The following MDC1 variants were observed in gnomAD, a reference collection of about 807,000 sequenced individuals.
MDC1 encodes the protein mediator of DNA damage checkpoint 1.
A neutral mutation model predicts 142.5 loss-of-function variants in MDC1; 81 were observed. The observed-to-expected ratio is 0.57, with a 90% CI of 0.47 to 0.68. The LOEUF (loss-of-function observed/expected upper bound fraction) is 0.68, where lower values mean the gene tolerates loss of function less well. Among genes scored for constraint, MDC1 ranks in the 30% least tolerant of loss-of-function variants. The pLI is 0.00. For missense variants in MDC1, 2,119 were observed against 2,547.9 expected (o/e 0.83, Z 3.62); for synonymous variants, 797 against 968.4 (o/e 0.82, Z 3.29).
Position 30,703,158 on chromosome 6 carries a change from G to T in MDC1, c.5811C>A (p.Phe1937Leu), listed in dbSNP as rs1309507276. 1.2e-6 allele frequency: 2 copies of T among 1,612,986 alleles called. No homozygotes were observed. The highest frequency in any genetic ancestry group is 1.7e-5 in the Admixed American group (1 of 60,000). Residue 1937 changes from phenylalanine (F) to leucine (L), a missense_variant, in exon 12 of 15, where the codon TTC becomes TTA. Physicochemically the swap from Phe to Leu is conservative, Grantham distance 22. Coordinates refer to ENST00000376406, the MANE Select transcript of MDC1 (RefSeq NM_014641.3). This position sits in a 1 kb window ranked among gnomAD's most constrained non-coding sequence, Gnocchi z 4.4. The part of the protein sequence containing the change: ...VTDRIRRTVK[F>L]LCALGRGIPI... ...GGATTCCCCGCCCCAGGGCACACAG[G>T]AACTTGACTGTCCGGCGGATGCGAT...
chr6:30,705,268 G>T lies in MDC1; in HGVS notation c.3915C>A (p.Pro1305=). ...TSTDRPVTPK[P]TSRTTRSRTN... Reference sequence around the variant, plus strand: ...TCCTGCTCCTAGTGGTCCGAGATGTGGGCTTGGGGGTGACAGGTCGGTCTG... The same window carrying T: ...TCCTGCTCCTAGTGGTCCGAGATGTTGGCTTGGGGGTGACAGGTCGGTCTG... The change falls in exon 10 of 15, where the codon CCC becomes CCA. Residue 1305 remains proline, a synonymous_variant. Coordinates refer to ENST00000376406, the MANE Select transcript of MDC1 (RefSeq NM_014641.3). 1 of 1,603,116 alleles carries T rather than the reference G, an allele frequency of 6.2e-7. No individual in the cohort carries two copies. Among genetic ancestry groups the T allele is most frequent in the South Asian group, 1.1e-5 (1 of 89,874 alleles).
In MDC1 at chr6:30,704,100, G is replaced by T; in HGVS notation, c.5083C>A (p.Pro1695Thr). The T allele has an allele frequency of 6.2e-7, 1 of 1,614,152 alleles. No individual in the cohort carries two copies. Among genetic ancestry groups the T allele is most frequent in the Non-Finnish European group, 8.5e-7 (1 of 1,180,016 alleles). Residue 1695 changes from proline (P) to threonine (T), a missense_variant, in exon 10 of 15, where the codon CCT becomes ACT. Pro to Thr is a conservative substitution (Grantham distance 38). Coordinates refer to ENST00000376406, the MANE Select transcript of MDC1 (RefSeq NM_014641.3). ...GGAGATTGGAATTCAGGGGTGGTAGGAACCGGCATAGCTCTTACTGTGGAA... is the reference window on the plus strand; with the variant it reads ...GGAGATTGGAATTCAGGGGTGGTAGTAACCGGCATAGCTCTTACTGTGGAA... ...RSSTVRAMPVPTTPEFQSPVT... is the reference protein window; with the variant it reads ...RSSTVRAMPVTTTPEFQSPVT...
chr6:30,702,793 G>C lies in MDC1; in HGVS notation c.5950C>G (p.Gln1984Glu). The C allele has an allele frequency of 6.2e-7, 1 of 1,613,154 alleles. No homozygotes were observed. Among genetic ancestry groups the C allele is most frequent in the Non-Finnish European group, 8.5e-7 (1 of 1,180,034 alleles). ...EQEKNFGFSL[Q>E]DALSRARERR... is the part of the protein sequence containing the mutation. ...TCCCGAGCCCTGCTCAGTGCGTCTT[G>C]AAGGCTAAAGCCAAAGTTCTTCTCT... is the stretch of plus-strand genomic sequence containing the variant. Residue 1984 changes from glutamine to glutamate, a missense_variant, in exon 13 of 15, where the codon CAA becomes GAA. Physicochemically the swap from Gln to Glu is conservative, Grantham distance 29 (BLOSUM62 2). Coordinates refer to ENST00000376406, the MANE Select transcript of MDC1 (RefSeq NM_014641.3).
At position 30,707,649 on chromosome 6, in the gene MDC1, G is replaced by A. The variant is rs776398578; in HGVS notation, c.2930C>T (p.Pro977Leu). ...PEPGVGAGDL[P>L]GPTSAPVPSG... ...AGGTACGGGGGCTGAGGTAGGTCCCGGAAGGTCCCCCGCCCCCACCCCAGG... is the reference window on the plus strand; with the variant it reads ...AGGTACGGGGGCTGAGGTAGGTCCCAGAAGGTCCCCCGCCCCCACCCCAGG... The change falls in exon 8 of 15, where the codon CCG (proline) becomes CTG (leucine). Residue 977 changes from proline (P) to leucine (L), a missense_variant. Transcript: ENST00000376406. 48 of 1,613,012 alleles carry A rather than the reference G, an allele frequency of 3.0e-5. No homozygotes were observed. The highest frequency in any genetic ancestry group is 3.7e-5 in the Non-Finnish European group (44 of 1,180,002).
rs1235560872 is a variant in MDC1, at chr6:30,704,130, TCA to T, written c.5051_5052del (p.Leu1684GlnfsTer15). 1 of 1,613,848 alleles carries T rather than the reference TCA, an allele frequency of 6.2e-7. No individual in the cohort carries two copies. The highest frequency in any genetic ancestry group is 8.5e-7 in the Non-Finnish European group (1 of 1,179,880). On this transcript the variant is annotated frameshift_variant, in exon 10 of 15. Transcript: ENST00000376406. LOFTEE classifies it high-confidence loss of function. ...AIAQGGQSKT[L>X]RSSTVRAMPV... ...GGCATAGCTCTTACTGTGGAAGACC[TCA>T]GTGTTTTGCTCTGACCACCCTGAGC...
chr6:30,716,420 C>T lies in MDC1; in HGVS notation c.-4+825G>A, dbSNP rs558651102. ...TGTATTTTTAGTAGAGACGGGGTTT[C>T]ACCACGGTCTCGAGCTCCTGACCTC... On this transcript the variant is annotated intron_variant, in intron 1 of 14. Transcript: ENST00000376406. This position sits in a 1 kb window ranked among gnomAD's most constrained non-coding sequence, Gnocchi z 4.4. 7.4e-4 allele frequency among the ~76,000 whole-genome samples: 113 copies of T among 152,264 alleles called. No homozygotes were observed. The highest frequency in any genetic ancestry group is 2.6e-3 in the African/African-American group (108 of 41,554).
chr6:30,707,319 GA>G, intron 9 of MDC1, 64 bp downstream of exon 9: 1 of 1,494,312 alleles, frequency 6.7e-7, no homozygotes, highest in Non-Finnish European at 9.3e-7. Context: ...GAGGCTAGGT[GA>G]AAGAGCATTG....
Position 30,704,565 on chromosome 6 carries a change from A to C in MDC1, c.4618T>G (p.Ser1540Ala). The change falls in exon 10 of 15, where the codon TCC becomes GCC. Residue 1540 changes from serine (S) to alanine (A), a missense_variant. Ser to Ala is a moderately conservative substitution (Grantham distance 99, BLOSUM62 1). Coordinates refer to ENST00000376406, the MANE Select transcript of MDC1 (RefSeq NM_014641.3). Reference protein sequence around the residue: ...VVPAAPELQPSTSTDQPVTPE... With the variant: ...VVPAAPELQPATSTDQPVTPE... The stretch of plus-strand genomic sequence containing the variant: ...GTGACAGGTTGGTCTGTGGAGGTGG[A>C]AGGCTGGAGCTCAGGGGCTGCGGGC... The C allele has an allele frequency of 6.2e-7, 1 of 1,609,288 alleles. No individual in the cohort carries two copies. Among genetic ancestry groups the C allele is most frequent in the Non-Finnish European group, 8.5e-7 (1 of 1,178,276 alleles).
At chr6:30,706,704 G>A (rs1263720846) in intron 9 of MDC1, among the ~76,000 whole-genome samples, 1 of 151,156 alleles carries the variant, frequency 6.6e-6, no homozygotes, top group Non-Finnish European at 1.5e-5. Context: ...GGCTGAGGGA[G>A]GAGAGTCGCT....
At chr6:30,702,693 T>C (rs1772965697) in intron 13 of MDC1, 30 bp from the exon 14 acceptor site, 9 of 1,612,162 alleles carry the variant, frequency 5.6e-6, no homozygotes, top group South Asian at 1.1e-5. Context: ...GAGATGGTAT[T>C]GTAGATTGGG....
chr6:30,705,530 G>C lies in MDC1; in HGVS notation c.3653C>G (p.Pro1218Arg). 1 of 1,607,678 alleles carries C rather than the reference G, an allele frequency of 6.2e-7. No individual in the cohort carries two copies. Among genetic ancestry groups the C allele is most frequent in the Non-Finnish European group, 8.5e-7 (1 of 1,177,210 alleles). The change falls in exon 10 of 15, where the codon CCT (proline) becomes CGT (arginine). Residue 1218 changes from proline (P) to arginine (R), a missense_variant. Transcript: ENST00000376406. ...ELQPSTSTDR[P>R]VTSEPTSQAT... is the part of the protein sequence containing the mutation. ...CTGAGAGGTGGGTTCAGAGGTGACAGGTCGGTCGGTGGAGGTGGAAGGCTG... is the reference window on the plus strand; with the variant it reads ...CTGAGAGGTGGGTTCAGAGGTGACACGTCGGTCGGTGGAGGTGGAAGGCTG...
At position 30,715,832 on chromosome 6, in the gene MDC1, C is replaced by T. The variant is rs1775581437; in HGVS notation, c.-3-654G>A. ...ACAAGAACCTTGTAAAGTAGTATTA[C>T]TATCTTCCATTTCTTCAGATAAAGA... On this transcript the variant is annotated intron_variant, in intron 1 of 14. Coordinates refer to ENST00000376406, the MANE Select transcript of MDC1 (RefSeq NM_014641.3). The surrounding 1 kb of genome is among the most constrained non-coding windows in gnomAD (Gnocchi z 4.1). 6.6e-6 allele frequency among the ~76,000 whole-genome samples: 1 copy of T among 152,222 alleles called. No homozygotes were observed. Among genetic ancestry groups the T allele is most frequent in the Admixed American group, 6.5e-5 (1 of 15,286 alleles).
In MDC1 at chr6:30,715,255, T is replaced by TCTG; in HGVS notation, c.-3-78_-3-77insCAG. On this transcript the variant is annotated intron_variant, in intron 1 of 14. Transcript: ENST00000376406. The surrounding 1 kb of genome is among the most constrained non-coding windows in gnomAD (Gnocchi z 4.1). ...GCATCAGAGTTATCAGACTGAAAAC[T>TCTG]AGGGGGTAAACTGGATCATTATGAA... The TCTG allele has an allele frequency of 6.6e-7, 1 of 1,513,510 alleles. No homozygotes were observed. The allele number at this position is 1,513,510 out of a possible 1,614,324, so 93.8% of individuals were successfully genotyped here. A position where few individuals can be genotyped will look rare whatever the true frequency, so the allele number is the denominator to read the frequency against.
chr6:30,708,215 G>A lies in MDC1; in HGVS notation c.2364C>T (p.Asp788=), dbSNP rs1204630621. ...TGTGAACTGGGCTCTCTGGATGTTGGTCTCCTGGTATTGCCCTAGGTGGAG... is the reference window on the plus strand; with the variant it reads ...TGTGAACTGGGCTCTCTGGATGTTGATCTCCTGGTATTGCCCTAGGTGGAG... ...CLSPPRAIPG[D]QHPESPVHTE... The change falls in exon 8 of 15, where the codon GAC becomes GAT. Residue 788 remains aspartate (D), a synonymous_variant. Coordinates refer to ENST00000376406, the MANE Select transcript of MDC1 (RefSeq NM_014641.3). 1 of 1,613,084 alleles carries A rather than the reference G, an allele frequency of 6.2e-7. No individual in the cohort carries two copies. The highest frequency in any genetic ancestry group is 8.5e-7 in the Non-Finnish European group (1 of 1,180,022).
rs752625609 is a variant in MDC1, at chr6:30,712,008, A to G, written c.1934T>C (p.Leu645Pro). The G allele has an allele frequency of 6.3e-7, 1 of 1,599,386 alleles. No homozygotes were observed. The highest frequency in any genetic ancestry group is 1.7e-5 in the Admixed American group (1 of 58,048). ...EQDLPISREN[L>P]TDLVVDTDTL... ...GTCTGTGTCCACCACCAGATCTGTG[A>G]GGTTCTCTCTTGAGATAGGGAGGTC... Residue 645 changes from leucine to proline, a missense_variant, in exon 5 of 15, where the codon CTC becomes CCC. By Grantham distance (98) the Leu-to-Pro change is moderately conservative. Transcript: ENST00000376406. This position sits in a 1 kb window ranked among gnomAD's most constrained non-coding sequence, Gnocchi z 4.7.
In MDC1 at chr6:30,712,388, T is replaced by C; in HGVS notation, c.1554A>G (p.Thr518=). 6.2e-7 allele frequency: 1 copy of C among 1,613,140 alleles called. No homozygotes were observed. Among genetic ancestry groups the C allele is most frequent in the South Asian group, 1.1e-5 (1 of 91,086 alleles). ...TCTCCACTTGTGTGTTGATGTCCAC[T>C]GTGGTGGAGGCTTGGCTTCTCTCCA... is the stretch of plus-strand genomic sequence containing the variant. ...IHLERSQAST[T]VDINTQVEKE... is the part of the protein sequence containing the mutation. The change falls in exon 5 of 15, where the codon ACA becomes ACG. Residue 518 remains threonine (T), a synonymous_variant. Transcript: ENST00000376406. The surrounding 1 kb of genome is among the most constrained non-coding windows in gnomAD (Gnocchi z 4.7).
chr6:30,706,069 C>A lies in MDC1; in HGVS notation c.3114G>T (p.Leu1038=). ...RGDQESPDAC[L]PPTVPEAPAP... ...CTGGGGCTTCAGGTACTGTAGGAGG[C>A]AGACAAGCATCTGGAGATTCCTGAT... The change falls in exon 10 of 15, where the codon CTG becomes CTT. Residue 1038 remains leucine, a synonymous_variant. Transcript: ENST00000376406. 6.3e-7 allele frequency: 1 copy of A among 1,593,614 alleles called. No individual in the cohort carries two copies.
Position 30,703,581 on chromosome 6 carries a change from G to A in MDC1, c.5562+40C>T, listed in dbSNP as rs752520437. On this transcript the variant is annotated intron_variant, in intron 10 of 14. Transcript: ENST00000376406. The surrounding 1 kb of genome is among the most constrained non-coding windows in gnomAD (Gnocchi z 4.4). Reference sequence around the variant, plus strand: ...TTGGTGGGAGTTTCAGAGCCCTGAAGTCATTTTTCCCAGCTTTGTGGTCCC... The same window carrying A: ...TTGGTGGGAGTTTCAGAGCCCTGAAATCATTTTTCCCAGCTTTGTGGTCCC... 5 of 1,612,690 alleles carry A rather than the reference G, an allele frequency of 3.1e-6. No individual in the cohort carries two copies. Among genetic ancestry groups the A allele is most frequent in the Non-Finnish European group, 4.2e-6 (5 of 1,179,768 alleles).
At position 30,703,333 on chromosome 6, in the gene MDC1, G is replaced by A; in HGVS notation, c.5683-47C>T. 6.2e-7 allele frequency: 1 copy of A among 1,610,462 alleles called. No homozygotes were observed. Among genetic ancestry groups the A allele is most frequent in the South Asian group, 1.1e-5 (1 of 90,908 alleles). Reference sequence around the variant, plus strand: ...GTGGTTACGGCAACCCATGCCATCAGCACCCATCTCTACAATCCTCTAGGT... The same window carrying A: ...GTGGTTACGGCAACCCATGCCATCAACACCCATCTCTACAATCCTCTAGGT... On this transcript the variant is annotated intron_variant, in intron 11 of 14. Transcript: ENST00000376406. The surrounding 1 kb of genome is among the most constrained non-coding windows in gnomAD (Gnocchi z 4.4).
Sources: gnomAD v4.1 joint callset for allele counts (sites outside exome capture counted in the v4.1 genomes callset) on GRCh38, gnomAD v4.1.1 for gene constraint, Gnocchi (gnomAD v3.1) non-coding constraint, MANE v1.5 for transcripts, NCBI Gene and HGNC (gene_info 2026-07-23, HGNC 2026-07-21) for gene names.